SCUBE1: variants seen among roughly 807,000 people sequenced by gnomAD.
The protein encoded by SCUBE1 is signal peptide, CUB domain and EGF like domain containing 1.
Under a neutral mutation model 124.4 loss-of-function variants are expected in SCUBE1, and 59 were observed. The ratio of observed to expected loss-of-function variants is 0.47; its 90% CI spans 0.38 to 0.59. The LOEUF is 0.59. SCUBE1 is among the 20% of genes least tolerant of loss of function. SCUBE1 has a pLI of 0.00. For missense variants in SCUBE1, 1,150 were observed against 1,371.2 expected (o/e 0.84, Z 2.55); for synonymous variants, 545 against 550.9 (o/e 0.99, Z 0.15).
chr22:43,222,886 A>C (rs1922154663), intron 11 of SCUBE1, 144 bp from the exon 12 acceptor site: 6 of 924,180 alleles, frequency 6.5e-6, no homozygotes. Context: ...ACCACAGGGA[A>C]GTGGCCAGGA....
intron 7 of SCUBE1, among the ~76,000 whole-genome samples, chr22:43,236,630 C>A (rs974071784): frequency 1.3e-5 from 2 of 152,166 alleles, no homozygotes; most frequent in Non-Finnish European, 2.9e-5. Flanking sequence ...GGTCCTTGAA[C>A]CCACAGGCCT....
intron 3 of SCUBE1, among the ~76,000 whole-genome samples, chr22:43,315,762 G>A (rs1569027526): frequency 6.6e-6 from 1 of 151,234 alleles, no homozygotes. Context: ...CGGGGGAGGG[G>A]GGGAACCTTA....
At chr22:43,304,379 G>A (rs1925887414) in intron 3 of SCUBE1, among the ~76,000 whole-genome samples, 2 of 152,244 alleles carry the variant, frequency 1.3e-5, no homozygotes, top group South Asian at 4.1e-4. Context: ...CCTGCCCTCA[G>A]GGAGCTGCCA....
intron 7 of SCUBE1, chr22:43,232,138 G>T (rs1922581559): frequency 2.0e-6 from 1 of 493,680 alleles, no homozygotes; most frequent in Non-Finnish European, 3.7e-6. Flanking sequence ...AGCCTGGGAT[G>T]TGAGACATTG....
At chr22:43,342,448 G>A (rs1008549001) in intron 1 of SCUBE1, among the ~76,000 whole-genome samples, 3 of 151,866 alleles carry the variant, frequency 2.0e-5, no homozygotes, top group Admixed American at 6.5e-5. Flanking sequence ...CCGGTCCCTC[G>A]TCTGCGGCTT....
intron 15 of SCUBE1, 61 bp downstream of exon 15, chr22:43,218,194 C>T (rs1921921976): frequency 1.3e-6 from 2 of 1,550,576 alleles, no homozygotes; most frequent in Non-Finnish European, 1.8e-6. Context: ...CACTGTTTAC[C>T]CCGGCTCATG....
At chr22:43,207,490 C>T (rs745335696) in intron 21 of SCUBE1, 44 bp downstream of exon 21, 2 of 1,474,848 alleles carry the variant, frequency 1.4e-6, no homozygotes, top group Non-Finnish European at 1.9e-6. Context: ...ATCACAGGCC[C>T]CATCCCAGGG....
intron 10 of SCUBE1, among the ~76,000 whole-genome samples, chr22:43,226,940 T>A (rs1387331093): frequency 6.6e-6 from 1 of 152,120 alleles, no homozygotes; most frequent in Non-Finnish European, 1.5e-5. Flanking sequence ...CCACTGAGGC[T>A]GCTGCACCCC....
intron 3 of SCUBE1, among the ~76,000 whole-genome samples, chr22:43,295,500 C>A (rs887112830): frequency 3.5e-4 from 53 of 150,458 alleles, no homozygotes; most frequent in African/African-American, 1.2e-3. Context: ...GAGCTCACTA[C>A]CGCCAAGGGA....
In SCUBE1 at chr22:43,210,136, G is replaced by T. The variant is rs776673868; in HGVS notation, c.2488C>A (p.Pro830Thr). 6.2e-7 allele frequency: 1 copy of T among 1,612,760 alleles called. No individual in the cohort carries two copies. Among genetic ancestry groups the T allele is most frequent in the Admixed American group, 1.7e-5 (1 of 59,974 alleles). ...ANAECVWHIA[P>T]PPKRRILIVV... is the part of the protein sequence containing the mutation. ...ATGAGGATCCTGCGCTTTGGGGGAGGCGCGATGTGCCAGACGCATTCAGCG... is the reference window on the plus strand; with the variant it reads ...ATGAGGATCCTGCGCTTTGGGGGAGTCGCGATGTGCCAGACGCATTCAGCG... The change falls in exon 19 of 22, where the codon CCT (proline) becomes ACT (threonine). Residue 830 changes from proline (P) to threonine (T), a missense_variant. By Grantham distance (38) the Pro-to-Thr change is conservative. Transcript: ENST00000360835. The surrounding 1 kb of genome is among the most constrained non-coding windows in gnomAD (Gnocchi z 4.5).
chr22:43,343,344 C>T lies in SCUBE1; in HGVS notation c.-83G>A. The T allele has an allele frequency of 1.6e-6, 1 of 625,256 alleles. No homozygotes were observed. The highest frequency in any genetic ancestry group is 2.0e-6 in the Non-Finnish European group (1 of 488,378). The allele number at this position is 625,256 out of a possible 1,614,324, so 38.7% of individuals were successfully genotyped here. ...CGGCCGCTCCCGCAGGCGCTGCTCG[C>T]TGCTCGCCGCTCCGCCACCGCTCGG... On this transcript the variant is annotated 5_prime_UTR_variant, in exon 1 of 22. Transcript: ENST00000360835.
intron 3 of SCUBE1, among the ~76,000 whole-genome samples, chr22:43,296,595 G>GGAGGTAGA (rs1601869389): frequency 6.6e-6 from 1 of 152,234 alleles, no homozygotes; most frequent in East Asian, 1.9e-4. Flanking sequence ...GAGAGACGGG[G>GGAGGTAGA]GAGGTAGAGT....
At chr22:43,276,816 G>A (rs1240760603) in intron 4 of SCUBE1, among the ~76,000 whole-genome samples, 1 of 152,234 alleles carries the variant, frequency 6.6e-6, no homozygotes, top group African/African-American at 2.4e-5. Context: ...GACACATGGT[G>A]TTTCCAGGGC....
intron 4 of SCUBE1, among the ~76,000 whole-genome samples, chr22:43,266,304 T>G (rs1924062368): frequency 6.6e-6 from 1 of 151,608 alleles, no homozygotes; most frequent in Non-Finnish European, 1.5e-5. Context: ...GAAGGGTGGT[T>G]GGGGGAGCAT....
intron 4 of SCUBE1, among the ~76,000 whole-genome samples, chr22:43,264,623 G>A (rs564697158): frequency 6.6e-6 from 1 of 152,360 alleles, no homozygotes; most frequent in South Asian, 2.1e-4. Flanking sequence ...ACTGACAGCT[G>A]TTGTCGGCGG....
chr22:43,246,985 G>A (rs538990600), intron 6 of SCUBE1, among the ~76,000 whole-genome samples: 1 of 152,206 alleles, frequency 6.6e-6, no homozygotes, highest in Non-Finnish European at 1.5e-5. Flanking sequence ...AGGGGTCCAG[G>A]TTACAGGCAC....
intron 5 of SCUBE1, among the ~76,000 whole-genome samples, chr22:43,259,562 C>T (rs942360620): frequency 3.6e-4 from 55 of 152,312 alleles, no homozygotes; most frequent in Non-Finnish European, 3.7e-4. Flanking sequence ...CTGACTTCTC[C>T]GCACTCTTCC....
At position 43,315,876 on chromosome 22, in the gene SCUBE1, C is replaced by T. The variant is rs117205690; in HGVS notation, c.349+4061G>A. Reference sequence around the variant, plus strand: ...TCACTGCTAGTCTGCAGGCTGCTGGCGTCAGGCTCTGGGGACACTGGGAGT... The same window carrying T: ...TCACTGCTAGTCTGCAGGCTGCTGGTGTCAGGCTCTGGGGACACTGGGAGT... On this transcript the variant is annotated intron_variant, in intron 3 of 21. Transcript: ENST00000360835. Among the ~76,000 whole-genome samples, 12 of 152,274 alleles carry T rather than the reference C, an allele frequency of 7.9e-5. No individual in the cohort carries two copies. In the East Asian group the frequency reaches 1.5e-3, roughly 20 times the overall value.
At chr22:43,308,500 T>C (rs149198347) in intron 3 of SCUBE1, among the ~76,000 whole-genome samples, 278 of 152,364 alleles carry the variant, frequency 1.8e-3, no homozygotes, top group Non-Finnish European at 3.2e-3. Context: ...GTATTTGAGC[T>C]GTTGAAGTAT....
Sources: gnomAD v4.1 joint callset for allele counts (sites outside exome capture counted in the v4.1 genomes callset) on GRCh38, gnomAD v4.1.1 for gene constraint, Gnocchi (gnomAD v3.1) non-coding constraint, MANE v1.5 for transcripts, NCBI Gene and HGNC (gene_info 2026-07-23, HGNC 2026-07-21) for gene names.